The following NRXN1 variants were observed in gnomAD, a reference collection of about 807,000 sequenced individuals.
NRXN1 encodes neurexin 1.
NRXN1 carries 39 observed loss-of-function variants against 150.9 expected under a neutral mutation model. That is an observed-to-expected ratio of 0.26 (90% CI 0.20 to 0.34). The LOEUF (loss-of-function observed/expected upper bound fraction) is 0.34. Among genes scored for constraint, NRXN1 ranks in the 10% least tolerant of loss-of-function variants. NRXN1 has a pLI of 1.00. For synonymous variants in NRXN1, 924 were observed against 757.0 expected (o/e 1.22, Z -3.62); for missense variants, 1,815 against 1,949.9 (o/e 0.93, Z 1.30).
At chr2:50,404,603 G>A (rs2082622147) in intron 17 of NRXN1, among the ~76,000 whole-genome samples, 1 of 152,050 alleles carries the variant, frequency 6.6e-6, no homozygotes, top group East Asian at 1.9e-4. Context: ...CTAAACTATA[G>A]GCTCTAGCTA....
intron 21 of NRXN1, among the ~76,000 whole-genome samples, chr2:50,043,519 T>C (rs1691335373): frequency 6.6e-6 from 1 of 152,144 alleles, no homozygotes; most frequent in Non-Finnish European, 1.5e-5. Context: ...CCAGAGAACT[T>C]CCCTTCAAGG....
intron 2 of NRXN1, among the ~76,000 whole-genome samples, chr2:51,001,239 G>GTGGGC (rs1558565220): frequency 8.2e-6 from 1 of 122,436 alleles, no homozygotes; most frequent in East Asian, 3.2e-4. Flanking sequence ...GGGGTTGGGG[G>GTGGGC]GGGGGGGCGT....
intron 17 of NRXN1, among the ~76,000 whole-genome samples, chr2:50,270,000 A>T (rs1362302838): frequency 6.6e-6 from 1 of 152,156 alleles, no homozygotes; most frequent in Non-Finnish European, 1.5e-5. Flanking sequence ...TTAAATTATT[A>T]GATTAAATTA....
chr2:50,415,126 G>A (rs1300043783), intron 17 of NRXN1, among the ~76,000 whole-genome samples: 2 of 152,084 alleles, frequency 1.3e-5, no homozygotes, highest in South Asian at 4.1e-4. Flanking sequence ...ATAGAAGCAG[G>A]GAGTAGGCAA....
intron 5 of NRXN1, among the ~76,000 whole-genome samples, chr2:50,795,891 C>T (rs1290639924): frequency 6.6e-6 from 1 of 151,794 alleles, no homozygotes; most frequent in Admixed American, 6.6e-5. Context: ...GGCTCACAAT[C>T]AGTGCATAAT....
At chr2:50,807,527 G>C (rs1300029054) in intron 5 of NRXN1, among the ~76,000 whole-genome samples, 2 of 152,072 alleles carry the variant, frequency 1.3e-5, no homozygotes, top group African/African-American at 4.8e-5. Flanking sequence ...AATACTGAAA[G>C]TGCATGAATG....
chr2:50,036,148 T>C (rs952832431), intron 21 of NRXN1, among the ~76,000 whole-genome samples: 1 of 152,132 alleles, frequency 6.6e-6, no homozygotes. Context: ...AATCCCCATG[T>C]GTCAAGGAAG....
chr2:50,885,195 G>A (rs1038379796), intron 5 of NRXN1, among the ~76,000 whole-genome samples: 2 of 151,452 alleles, frequency 1.3e-5, no homozygotes, highest in African/African-American at 4.8e-5. Flanking sequence ...TCCTGAATGT[G>A]ACAGTATGTA....
chr2:50,208,582 T>C (rs2062783098), intron 18 of NRXN1, among the ~76,000 whole-genome samples: 1 of 151,916 alleles, frequency 6.6e-6, no homozygotes. Flanking sequence ...AGAGAGGAGG[T>C]GGTGGTGGAG....
intron 18 of NRXN1, among the ~76,000 whole-genome samples, chr2:50,201,285 T>TA (rs926935847): frequency 8.5e-5 from 13 of 152,272 alleles, no homozygotes; most frequent in African/African-American, 2.9e-4. Flanking sequence ...GAATCACACA[T>TA]AGAGTTCTAA....
intron 22 of NRXN1, among the ~76,000 whole-genome samples, chr2:49,924,114 TAACTC>T (rs1258989892): frequency 2.0e-5 from 3 of 152,234 alleles, no homozygotes; most frequent in African/African-American, 7.2e-5. Context: ...GTGTGCCAAT[TAACTC>T]AGCTGCTTTC....
chr2:50,554,919 G>C (rs144236627), intron 8 of NRXN1, among the ~76,000 whole-genome samples: 31 of 152,184 alleles, frequency 2.0e-4, no homozygotes, highest in African/African-American at 6.5e-4. Context: ...AAATGAACTT[G>C]AGCAATAACA....
At chr2:50,973,615 T>G (rs566020350) in intron 2 of NRXN1, among the ~76,000 whole-genome samples, 1 of 152,212 alleles carries the variant, frequency 6.6e-6, no homozygotes, top group African/African-American at 2.4e-5. Context: ...ATATAGAGTA[T>G]AGAATTGACA....
intron 2 of NRXN1, among the ~76,000 whole-genome samples, chr2:50,939,669 A>G (rs144501231): frequency 0.01 from 1,529 of 152,300 alleles, 9 homozygotes; most frequent in Middle Eastern, 0.075. Context: ...CACTTAAACT[A>G]GTCACCATGG....
chr2:50,563,306 T>C (rs1669379952), intron 8 of NRXN1, among the ~76,000 whole-genome samples: 1 of 152,246 alleles, frequency 6.6e-6, no homozygotes, highest in Non-Finnish European at 1.5e-5. Context: ...TTTGACAATT[T>C]TATCATATCA....
intron 5 of NRXN1, among the ~76,000 whole-genome samples, chr2:50,662,876 G>T (rs536778976): frequency 5.2e-4 from 65 of 123,852 alleles, no homozygotes; most frequent in Admixed American, 2.6e-3. Flanking sequence ...ACTTGAGACA[G>T]AATAAAACTT....
intron 18 of NRXN1, among the ~76,000 whole-genome samples, chr2:50,195,244 G>T (rs1376172299): frequency 6.6e-6 from 1 of 152,092 alleles, no homozygotes; most frequent in Non-Finnish European, 1.5e-5. Flanking sequence ...AAGCTGCTTG[G>T]GTCCAAGCGA....
chr2:50,779,236 C>T (rs1214075953), intron 5 of NRXN1, among the ~76,000 whole-genome samples: 1 of 133,226 alleles, frequency 7.5e-6, no homozygotes, highest in Admixed American at 8.0e-5. Flanking sequence ...CATGTGTTCT[C>T]ACTGTGCAAC....
chr2:50,443,056 G>A (rs2086100641), intron 17 of NRXN1, among the ~76,000 whole-genome samples: 2 of 152,210 alleles, frequency 1.3e-5, no homozygotes, highest in East Asian at 1.9e-4. Context: ...TTGACATTAG[G>A]TTTTATTCAT....
Sources: gnomAD v4.1 joint callset for allele counts (sites outside exome capture counted in the v4.1 genomes callset) on GRCh38, gnomAD v4.1.1 for gene constraint, MANE v1.5 for transcripts, NCBI Gene and HGNC (gene_info 2026-07-23, HGNC 2026-07-21) for gene names.